The following PLCB3 variants were observed in gnomAD, a reference collection of about 807,000 sequenced individuals.
PLCB3 encodes the protein phospholipase C beta 3, also known as 1-phosphatidylinositol 4,5-bisphosphate phosphodiesterase beta-3.
Under a neutral mutation model 152.1 loss-of-function variants are expected in PLCB3, and 54 were observed. The observed-to-expected ratio is 0.36, with a 90% CI of 0.29 to 0.45. The LOEUF is 0.45. Ranked by LOEUF, PLCB3 falls within the 20% of genes least tolerant of loss-of-function variation. The probability of loss-of-function intolerance (pLI) is 1.00; values close to 1 mark genes in which losing one functional copy is unlikely to be tolerated. For missense variants in PLCB3, 1,248 were observed against 1,687.5 expected (o/e 0.74, Z 4.56); for synonymous variants, 717 against 698.7 (o/e 1.03, Z -0.41).
chr11:64,264,881 G>A, intron 22 of PLCB3, 70 bp from the exon 23 acceptor site: 7 of 1,490,910 alleles, frequency 4.7e-6, no homozygotes, highest in East Asian at 2.3e-5. Context: ...GGACCCAGGA[G>A]GTGGTAGAGG....
At position 64,255,639 on chromosome 11, in the gene PLCB3, C is replaced by CGGGGTGGGGGGGGGGGGCAGGGGGGG; in HGVS notation, c.597+32_597+33insGGGGGGGGCAGGGGGGGGGGGTGGGG. 1 of 645,252 alleles carries CGGGGTGGGGGGGGGGGGCAGGGGGGG rather than the reference C, an allele frequency of 1.5e-6. No individual in the cohort carries two copies. The highest frequency in any genetic ancestry group is 2.7e-6 in the Non-Finnish European group (1 of 370,540). The allele number at this position is 645,252 out of a possible 1,614,324, so 40.0% of individuals were successfully genotyped here. A position where few individuals can be genotyped will look rare whatever the true frequency, so the allele number is the denominator to read the frequency against. ...CGGGTGTGTGGGGTGGGGACAGGGG[C>CGGGGTGGGGGGGGGGGGCAGGGGGGG]GGGGTGGGGTGTCACGGTGGGCACC... On this transcript the variant is annotated intron_variant, in intron 7 of 30. Transcript: ENST00000279230. The surrounding 1 kb of genome is among the most constrained non-coding windows in gnomAD (Gnocchi z 6.8).
In PLCB3 at chr11:64,261,567, G is replaced by T; in HGVS notation, c.1829-14G>T. 1 of 1,613,914 alleles carries T rather than the reference G, an allele frequency of 6.2e-7. No individual in the cohort carries two copies. Among genetic ancestry groups the T allele is most frequent in the Non-Finnish European group, 8.5e-7 (1 of 1,179,762 alleles). ...CCTGCCAGGTCTGACGCCCTTTCTT[G>T]GCTCACCCCTAAGAGAGGAACAAAT... On this transcript the variant is annotated splice_polypyrimidine_tract_variant and intron_variant, in intron 15 of 30. Coordinates refer to ENST00000279230, the MANE Select transcript of PLCB3 (RefSeq NM_000932.5).
rs747104158 is a variant in PLCB3 at position 64,259,070 on chromosome 11, G to C, written c.1351G>C (p.Val451Leu). Residue 451 changes from valine to leucine, a missense_variant, in exon 13 of 31, where the codon GTT becomes CTT. Coordinates refer to ENST00000279230, the MANE Select transcript of PLCB3 (RefSeq NM_000932.5). ...CATGCCTGCCCAGCTGGCCCCAGGC[G>C]TTCCCCTGCCCAGCCCCCAGGACCT... Reference protein sequence around the residue: ...PLDKYPLAPGVPLPSPQDLMG... With the variant: ...PLDKYPLAPGLPLPSPQDLMG... 2 of 1,611,630 alleles carry C rather than the reference G, an allele frequency of 1.2e-6. No individual in the cohort carries two copies. Among genetic ancestry groups the C allele is most frequent in the Non-Finnish European group, 1.7e-6 (2 of 1,178,942 alleles).
At position 64,267,164 on chromosome 11, in the gene PLCB3, A is replaced by T; in HGVS notation, c.3415-21A>T. 3 of 1,547,714 alleles carry T rather than the reference A, an allele frequency of 1.9e-6. No individual in the cohort carries two copies. The highest frequency in any genetic ancestry group is 2.6e-6 in the Non-Finnish European group (3 of 1,145,460). On this transcript the variant is annotated intron_variant, in intron 29 of 30. Coordinates refer to ENST00000279230, the MANE Select transcript of PLCB3 (RefSeq NM_000932.5). This position sits in a 1 kb window ranked among gnomAD's most constrained non-coding sequence, Gnocchi z 5.2. ...CCCCTCCCTCAGGGCCCCTCAGCTG[A>T]GCCCTTGCCCACCCCTGTAGCTGGA... is the stretch of plus-strand genomic sequence containing the variant.
intron 14 of PLCB3, among the ~76,000 whole-genome samples, chr11:64,260,819 A>C (rs1351369492): frequency 6.7e-6 from 1 of 150,138 alleles, no homozygotes; most frequent in Non-Finnish European, 1.5e-5. Flanking sequence ...AAAGACAATT[A>C]CTGGAGCAAT....
Position 64,258,525 on chromosome 11 carries a change from A to G in PLCB3, c.1065A>G (p.Leu355=), listed in dbSNP as rs188590056. ...TGGAGATGTACCGCCAGGCACTACT[A>G]TGGGGCTGCCGCTGCGTGGAGCTGG... ...SSVEMYRQAL[L]WGCRCVELDV... is the part of the protein sequence containing the mutation. The change falls in exon 11 of 31, where the codon CTA becomes CTG. Residue 355 remains leucine, a synonymous_variant. Coordinates refer to ENST00000279230, the MANE Select transcript of PLCB3 (RefSeq NM_000932.5). The surrounding 1 kb of genome is among the most constrained non-coding windows in gnomAD (Gnocchi z 7.2). The G allele has an allele frequency of 2.7e-5, 44 of 1,613,712 alleles. No individual in the cohort carries two copies. Among genetic ancestry groups the G allele is most frequent in the Non-Finnish European group, 3.2e-5 (38 of 1,179,898 alleles).
At chr11:64,251,832 C>T (rs1368570563) in intron 1 of PLCB3, 84 bp downstream of exon 1, 3 of 760,298 alleles carry the variant, frequency 3.9e-6, no homozygotes, top group African/African-American at 3.7e-5. Flanking sequence ...CCCACCCCAG[C>T]CTCGCCTGCC....
Position 64,266,480 on chromosome 11 carries a change from G to T in PLCB3, c.3357-15G>T, listed in dbSNP as rs778788392. The T allele has an allele frequency of 6.2e-7, 1 of 1,613,232 alleles. No homozygotes were observed. Among genetic ancestry groups the T allele is most frequent in the African/African-American group, 1.3e-5 (1 of 74,838 alleles). On this transcript the variant is annotated splice_polypyrimidine_tract_variant and intron_variant, in intron 28 of 30. Transcript: ENST00000279230. The surrounding 1 kb of genome is among the most constrained non-coding windows in gnomAD (Gnocchi z 4.9). The stretch of plus-strand genomic sequence containing the variant: ...GTGTCTGGGCCCCGAGCCATCCTGC[G>T]TTGCTCCCGTGCAGGGAACTGACGG...
intron 13 of PLCB3, 42 bp downstream of exon 13, chr11:64,259,286 C>T: frequency 7.1e-7 from 1 of 1,414,806 alleles, no homozygotes; most frequent in Non-Finnish European, 9.3e-7. Context: ...TGACCCTAGC[C>T]TCTGGCCTCA....
intron 21 of PLCB3, 72 bp downstream of exon 21, chr11:64,263,867 A>G: frequency 3.8e-6 from 5 of 1,325,896 alleles, no homozygotes; most frequent in Non-Finnish European, 5.4e-6. Context: ...AGGGCCTGGG[A>G]GTGGCCGAGC....
At chr11:64,252,393 C>T (rs554985868) in intron 1 of PLCB3, among the ~76,000 whole-genome samples, 4 of 152,230 alleles carry the variant, frequency 2.6e-5, no homozygotes, top group South Asian at 2.1e-4. Flanking sequence ...AACCCCAATA[C>T]ATCCTGGCCC....
In PLCB3 at chr11:64,262,160, G is replaced by A. The variant is rs564914479; in HGVS notation, c.2038+84G>A. ...ACGATCCTGCTGGTCTTGCCTGAAT[G>A]GACCTCTGACCCTGTCTCATCCCAG... On this transcript the variant is annotated intron_variant, in intron 17 of 30. Transcript: ENST00000279230. The A allele has an allele frequency of 7.9e-5, 124 of 1,571,868 alleles. No homozygotes were observed. The African/African-American group carries it at 1.5e-3, about 19-fold the overall frequency.
chr11:64,258,799 C>T lies in PLCB3; in HGVS notation c.1253+86C>T. The T allele has an allele frequency of 1.2e-6, 2 of 1,603,566 alleles. No individual in the cohort carries two copies. The highest frequency in any genetic ancestry group is 2.2e-5 in the South Asian group (2 of 90,804). On this transcript the variant is annotated intron_variant, in intron 11 of 30. Coordinates refer to ENST00000279230, the MANE Select transcript of PLCB3 (RefSeq NM_000932.5). This position sits in a 1 kb window ranked among gnomAD's most constrained non-coding sequence, Gnocchi z 7.2. ...TGTTGGACTGCTCAGGGACCTCCAA[C>T]CCTGCGAACGGCCACTGACATGTCC...
chr11:64,256,591 G>C lies in PLCB3; in HGVS notation c.866-27G>C. 1.9e-6 allele frequency: 3 copies of C among 1,613,502 alleles called. No homozygotes were observed. In the South Asian group the frequency reaches 3.3e-5, roughly 18 times the overall value. On this transcript the variant is annotated intron_variant, in intron 9 of 30. Coordinates refer to ENST00000279230, the MANE Select transcript of PLCB3 (RefSeq NM_000932.5). ...GGTGGGGGCAGGTGGGACCCCAGCT[G>C]ACCCTGCTGATCCTCTCCCACCCCA...
In PLCB3 at chr11:64,266,001, G is replaced by C. The variant is rs772178442; in HGVS notation, c.3151G>C (p.Asp1051His). Residue 1051 changes from aspartate (D) to histidine (H), a missense_variant, in exon 26 of 31, where the codon GAC becomes CAC. Around this residue, in one of 6 missense-constraint regions of PLCB3, gnomAD observed 477 missense variants for 489.6 expected, o/e 0.97. Transcript: ENST00000279230. The surrounding 1 kb of genome is among the most constrained non-coding windows in gnomAD (Gnocchi z 4.9). ...GCTGGAGCTGCGGGAGGCCCAGGTG[G>C]ACGCAGAGGCCCAGCGGAGGCTGGA... ...SLLELREAQVDAEAQRRLEHL... is the reference protein window; with the variant it reads ...SLLELREAQVHAEAQRRLEHL... The C allele has an allele frequency of 6.2e-7, 1 of 1,614,078 alleles. No homozygotes were observed. Among genetic ancestry groups the C allele is most frequent in the Non-Finnish European group, 8.5e-7 (1 of 1,180,004 alleles).
rs1565335174 is a variant in PLCB3 at position 64,261,679 on chromosome 11, G to A, written c.1913+14G>A. The A allele has an allele frequency of 6.2e-7, 1 of 1,611,224 alleles. No homozygotes were observed. The highest frequency in any genetic ancestry group is 2.2e-5 in the East Asian group (1 of 44,862). On this transcript the variant is annotated intron_variant, in intron 16 of 30. Coordinates refer to ENST00000279230, the MANE Select transcript of PLCB3 (RefSeq NM_000932.5). ...GGAGTTTGTGGAGTATCCTTTGAAG[G>A]TGCTGTGGGCGGGCAGGCCAGGGTG...
chr11:64,259,175 C>A lies in PLCB3; in HGVS notation c.1456C>A (p.Pro486Thr). 6.2e-6 allele frequency: 10 copies of A among 1,600,488 alleles called. No homozygotes were observed. The highest frequency in any genetic ancestry group is 8.5e-6 in the Non-Finnish European group (10 of 1,174,142). The stretch of plus-strand genomic sequence containing the variant: ...CCCAGACAGCGCCGGGCGCAAGCGG[C>A]CCCTGGAGCAGAGCAATTCTGCCCT... ...GGPDSAGRKR[P>T]LEQSNSALSE... is the part of the protein sequence containing the mutation. Residue 486 changes from proline (P) to threonine (T), a missense_variant, in exon 13 of 31, where the codon CCC becomes ACC. Pro to Thr is a conservative substitution (Grantham distance 38, BLOSUM62 -1). Around this residue, in one of 6 missense-constraint regions of PLCB3, gnomAD observed 122 missense variants for 221.8 expected, o/e 0.55. Transcript: ENST00000279230.
chr11:64,251,583 TG>T lies in PLCB3; in HGVS notation c.-64del. 1 of 689,862 alleles carries T rather than the reference TG, an allele frequency of 1.4e-6. No homozygotes were observed. 42.7% of individuals were successfully genotyped at this position (689,862 alleles called of 1,614,324 possible). On this transcript the variant is annotated 5_prime_UTR_variant, in exon 1 of 31. Transcript: ENST00000279230. ...CGCGGGGCCGGAGCGGGCCGCGCGG[TG>T]GGAGCAGCGGCGCCGTCGGTCCCCG...
At position 64,258,969 on chromosome 11, in the gene PLCB3, G is replaced by A. The variant is rs1427662446; in HGVS notation, c.1338G>A (p.Pro446=). Residue 446 remains proline (P), a splice_region_variant and synonymous_variant, in exon 12 of 31, where the codon CCG becomes CCA. Coordinates refer to ENST00000279230, the MANE Select transcript of PLCB3 (RefSeq NM_000932.5). This position sits in a 1 kb window ranked among gnomAD's most constrained non-coding sequence, Gnocchi z 7.2. The part of the protein sequence containing the change: ...ALLIEPLDKY[P]LAPGVPLPSP... ...TCATCGAGCCTCTGGACAAGTACCCGGTACGGGAGCTCGGAGCGAGGGGGG... is the reference window on the plus strand; with the variant it reads ...TCATCGAGCCTCTGGACAAGTACCCAGTACGGGAGCTCGGAGCGAGGGGGG... 4 of 1,613,936 alleles carry A rather than the reference G, an allele frequency of 2.5e-6. No individual in the cohort carries two copies. The highest frequency in any genetic ancestry group is 1.3e-5 in the African/African-American group (1 of 75,042).
Sources: gnomAD v4.1 joint callset for allele counts (sites outside exome capture counted in the v4.1 genomes callset) on GRCh38, gnomAD v4.1.1 for gene constraint, gnomAD v4.1.1 regional missense constraint, Gnocchi (gnomAD v3.1) non-coding constraint, MANE v1.5 for transcripts, NCBI Gene and HGNC (gene_info 2026-07-23, HGNC 2026-07-21) for gene names.